TASP1: variants seen among roughly 807,000 people sequenced by gnomAD.
TASP1 encodes threonine aspartase 1.
A neutral mutation model predicts 56.6 loss-of-function variants in TASP1; 16 were observed. That is an observed-to-expected ratio of 0.28 (90% CI 0.19 to 0.43). The LOEUF is 0.43. Among genes scored for constraint, TASP1 ranks in the 20% least tolerant of loss-of-function variants. The probability of loss-of-function intolerance (pLI) is 1.00; values close to 1 mark genes in which losing one functional copy is unlikely to be tolerated. For synonymous variants in TASP1, 179 were observed against 184.2 expected (o/e 0.97, Z 0.23); for missense variants, 393 against 511.6 (o/e 0.77, Z 2.24).
chr20:13,544,832 A>G (rs189869738), intron 8 of TASP1, among the ~76,000 whole-genome samples: 91 of 152,318 alleles, frequency 6.0e-4, no homozygotes, highest in Admixed American at 1.2e-3. Flanking sequence ...CCAGCCTTTA[A>G]ACTGAGTCTT....
At chr20:13,586,174 CAAAA>C (rs35005769) in intron 5 of TASP1, among the ~76,000 whole-genome samples, 4 of 53,192 alleles carry the variant, frequency 7.5e-5, no homozygotes, top group Non-Finnish European at 3.7e-5. Context: ...GACTCCATCT[CAAAA>C]AAAAAAAAAA....
intron 11 of TASP1, among the ~76,000 whole-genome samples, chr20:13,448,796 C>T (rs1181889146): frequency 6.6e-6 from 1 of 151,966 alleles, no homozygotes; most frequent in Non-Finnish European, 1.5e-5. Flanking sequence ...GCTATAATCA[C>T]CATCCATAAT....
the TASP1 span, among the ~76,000 whole-genome samples, chr20:13,268,708 C>T: frequency 6.6e-6 from 1 of 152,136 alleles, no homozygotes; most frequent in Non-Finnish European, 1.5e-5. Context: ...GGTCTCTGAA[C>T]CAGTGAGTTT....
the TASP1 span, among the ~76,000 whole-genome samples, chr20:13,347,841 CA>C: frequency 0.03 from 3,066 of 101,540 alleles, 22 homozygotes; most frequent in Non-Finnish European, 0.035. Context: ...GACTTTGTCT[CA>C]AAAAAAAAAA....
intron 5 of TASP1, among the ~76,000 whole-genome samples, chr20:13,581,295 T>A (rs2047117280): frequency 6.6e-6 from 1 of 152,240 alleles, no homozygotes; most frequent in Non-Finnish European, 1.5e-5. Flanking sequence ...GATTTCAGAA[T>A]AGAGTTTTTA....
intron 4 of TASP1, among the ~76,000 whole-genome samples, chr20:13,604,671 T>C (rs2048081739): frequency 6.6e-6 from 1 of 152,168 alleles, no homozygotes; most frequent in African/African-American, 2.4e-5. Context: ...GGGTCATAAA[T>C]AATTTTTTCA....
At chr20:13,508,426 A>G (rs6131485) in intron 10 of TASP1, among the ~76,000 whole-genome samples, 54,656 of 151,878 alleles carry the variant, frequency 0.36, 10,643 homozygotes, top group Non-Finnish European at 0.43. Context: ...CCAACATGAT[A>G]CTCAAAGGAA....
chr20:13,361,447 A>G, the TASP1 span, among the ~76,000 whole-genome samples: 65 of 152,232 alleles, frequency 4.3e-4, no homozygotes, highest in African/African-American at 1.5e-3. Flanking sequence ...TCCATCTTCA[A>G]GAAAAGTAGA....
the TASP1 span, among the ~76,000 whole-genome samples, chr20:13,143,256 G>A: frequency 6.6e-6 from 1 of 152,264 alleles, no homozygotes; most frequent in East Asian, 1.9e-4. Flanking sequence ...GTTTTAGAGA[G>A]CAAATCCAAG....
At chr20:13,270,778 A>G in the TASP1 span, 1 of 1,595,888 alleles carries the variant, frequency 6.3e-7, no homozygotes, top group African/African-American at 1.3e-5. Flanking sequence ...GGAGATAACA[A>G]AACAGTCCAT....
At chr20:13,510,846 T>C (rs1399406920) in intron 10 of TASP1, among the ~76,000 whole-genome samples, 1 of 152,150 alleles carries the variant, frequency 6.6e-6, no homozygotes, top group East Asian at 1.9e-4. Context: ...ATCATCCTTA[T>C]TATTATCTCT....
intron 6 of TASP1, among the ~76,000 whole-genome samples, chr20:13,575,820 C>A (rs1235238910): frequency 6.6e-6 from 1 of 152,052 alleles, no homozygotes; most frequent in African/African-American, 2.4e-5. Flanking sequence ...ATTGGAGGTT[C>A]CAGACAATGC....
At chr20:13,571,999 C>A (rs112212797) in intron 6 of TASP1, among the ~76,000 whole-genome samples, 12 of 152,248 alleles carry the variant, frequency 7.9e-5, no homozygotes, top group African/African-American at 2.9e-4. Context: ...ATCCCACTAC[C>A]CTGCACTCCT....
At chr20:13,563,039 C>T (rs961677169) in intron 7 of TASP1, among the ~76,000 whole-genome samples, 3 of 139,750 alleles carry the variant, frequency 2.1e-5, no homozygotes, top group Non-Finnish European at 4.6e-5. Context: ...TACATACGCA[C>T]GTATACACAT....
the TASP1 span, among the ~76,000 whole-genome samples, chr20:13,251,793 G>T: frequency 6.6e-6 from 1 of 152,078 alleles, no homozygotes; most frequent in Non-Finnish European, 1.5e-5. Context: ...TTTGCTTACC[G>T]TGTGACTTTT....
At chr20:13,335,495 A>G in the TASP1 span, among the ~76,000 whole-genome samples, 1 of 152,172 alleles carries the variant, frequency 6.6e-6, no homozygotes, top group Non-Finnish European at 1.5e-5. Flanking sequence ...ATTTTAGAGT[A>G]CCCAATCATA....
At chr20:13,306,166 TG>T in the TASP1 span, among the ~76,000 whole-genome samples, 4 of 152,210 alleles carry the variant, frequency 2.6e-5, no homozygotes, top group East Asian at 7.7e-4. Context: ...ATATTTGAAT[TG>T]GGAAAGTAAC....
intron 11 of TASP1, among the ~76,000 whole-genome samples, chr20:13,448,374 T>C (rs533044127): frequency 6.6e-6 from 1 of 152,294 alleles, no homozygotes; most frequent in Non-Finnish European, 1.5e-5. Flanking sequence ...TTTCACAATA[T>C]TCTTTGCTGC....
chr20:13,576,395 A>AAGAC (rs1555793620), intron 6 of TASP1, among the ~76,000 whole-genome samples: 1 of 142,316 alleles, frequency 7.0e-6, no homozygotes, highest in African/African-American at 2.7e-5. Flanking sequence ...GAAAGAAAGA[A>AAGAC]AGTCAGTCTT....
Sources: allele counts gnomAD v4.1 joint callset (sites outside exome capture counted in the v4.1 genomes callset), GRCh38; gene constraint gnomAD v4.1.1; transcripts MANE v1.5; gene names NCBI Gene and HGNC (gene_info 2026-07-23, HGNC 2026-07-21).